Variants in PEMT observed in about 807,000 individuals in gnomAD.
The protein encoded by PEMT is phospholipid methyltransferase.
A neutral mutation model predicts 27.4 loss-of-function variants in PEMT; 23 were observed. The ratio of observed to expected loss-of-function variants is 0.84; its 90% confidence interval spans 0.60 to 1.19. The LOEUF is 1.19. Ranked by LOEUF, PEMT falls within the 50% of genes most tolerant of loss-of-function variation. The probability of loss-of-function intolerance (pLI) is 0.00; values close to 1 mark genes in which losing one functional copy is unlikely to be tolerated. For synonymous variants in PEMT, 137 were observed against 139.1 expected (o/e 0.98, Z 0.11); for missense variants, 307 against 310.1 (o/e 0.99, Z 0.07).
At chr17:17,545,999 T>G (rs866042615) in intron 2 of PEMT, among the ~76,000 whole-genome samples, 4 of 152,228 alleles carry the variant, frequency 2.6e-5, no homozygotes, top group Middle Eastern at 3.2e-3. Context: ...TTCCATCTTC[T>G]GTCCCTGGGC....
At chr17:17,579,094 GGGA>G (rs1265705539) in intron 1 of PEMT, among the ~76,000 whole-genome samples, 1 of 152,202 alleles carries the variant, frequency 6.6e-6, no homozygotes, top group Non-Finnish European at 1.5e-5. Flanking sequence ...GGAAGCGGTG[GGGA>G]GGAGATGGTG....
At chr17:17,543,243 A>T (rs1481584268) in intron 2 of PEMT, among the ~76,000 whole-genome samples, 1 of 152,210 alleles carries the variant, frequency 6.6e-6, no homozygotes, top group African/African-American at 2.4e-5. Flanking sequence ...CGTTCTTCCC[A>T]AGTGCGACCA....
At chr17:17,518,149 C>A in intron 3 of PEMT, 3 of 985,520 alleles carry the variant, frequency 3.0e-6, no homozygotes, top group Non-Finnish European at 3.6e-6. Flanking sequence ...ACAGTTCCAT[C>A]CCGTGACTGG....
At chr17:17,524,196 G>A (rs953450056) in intron 2 of PEMT, among the ~76,000 whole-genome samples, 2 of 152,180 alleles carry the variant, frequency 1.3e-5, no homozygotes, top group Non-Finnish European at 1.5e-5. Flanking sequence ...CACTGTCCAC[G>A]GTGACCAAGG....
intron 2 of PEMT, chr17:17,570,570 T>C: frequency 1.0e-6 from 1 of 985,262 alleles, no homozygotes; most frequent in Non-Finnish European, 1.2e-6. Context: ...CAAGGACCAC[T>C]CCAAGCTGCG....
chr17:17,532,701 A>C (rs760152818), intron 2 of PEMT, among the ~76,000 whole-genome samples: 5 of 152,230 alleles, frequency 3.3e-5, no homozygotes, highest in Non-Finnish European at 7.3e-5. Context: ...CAAAATATCC[A>C]AAACAATCTT....
At chr17:17,520,117 C>T (rs1907154698) in intron 3 of PEMT, among the ~76,000 whole-genome samples, 1 of 152,218 alleles carries the variant, frequency 6.6e-6, no homozygotes, top group Non-Finnish European at 1.5e-5. Context: ...ACTCCAAGCT[C>T]TGAGCGTTCA....
At chr17:17,552,180 C>T (rs146211378) in intron 2 of PEMT, among the ~76,000 whole-genome samples, 21 of 152,052 alleles carry the variant, frequency 1.4e-4, no homozygotes, top group African/African-American at 4.8e-4. Flanking sequence ...GGCATGGTAG[C>T]GCATACCTGT....
At chr17:17,588,379 C>A (rs1912429985) in intron 1 of PEMT, among the ~76,000 whole-genome samples, 1 of 152,136 alleles carries the variant, frequency 6.6e-6, no homozygotes, top group African/African-American at 2.4e-5. Flanking sequence ...GCTTTGCCTC[C>A]AGGGTCTTAC....
At chr17:17,533,496 T>TA (rs1275215168) in intron 2 of PEMT, among the ~76,000 whole-genome samples, 1 of 152,230 alleles carries the variant, frequency 6.6e-6, no homozygotes, top group Admixed American at 6.5e-5. Context: ...ATCAAATATT[T>TA]AGACTTTTAT....
In PEMT at chr17:17,512,265, G is replaced by T. The variant is rs966718392; in HGVS notation, c.466+244C>A. ...CTTCATTAGCTGGAGAGAAGCAGCA[G>T]GAGCTGCCTTCACTCCCCAGGAGGC... On this transcript the variant is annotated intron_variant, in intron 4 of 6. Transcript: ENST00000255389. This position sits in a 1 kb window ranked among gnomAD's most constrained non-coding sequence, Gnocchi z 6.3. Among the ~76,000 whole-genome samples the T allele has an allele frequency of 7.9e-5, 12 of 152,220 alleles. No homozygotes were observed. Among genetic ancestry groups the T allele is most frequent in the African/African-American group, 2.7e-4 (11 of 41,466 alleles).
chr17:17,573,842 T>C (rs1281924665), intron 2 of PEMT, among the ~76,000 whole-genome samples: 1 of 152,156 alleles, frequency 6.6e-6, no homozygotes, highest in East Asian at 1.9e-4. Context: ...AGTGCAGTAG[T>C]GTGATCACAG....
intron 2 of PEMT, among the ~76,000 whole-genome samples, chr17:17,553,415 C>T (rs761154564): frequency 1.3e-5 from 2 of 152,212 alleles, no homozygotes; most frequent in Non-Finnish European, 2.9e-5. Flanking sequence ...GAGAAGCCGA[C>T]AAGAGATGGA....
intron 2 of PEMT, among the ~76,000 whole-genome samples, chr17:17,562,141 T>G (rs140378331): frequency 2.0e-5 from 3 of 152,140 alleles, no homozygotes; most frequent in Non-Finnish European, 4.4e-5. Flanking sequence ...GTGAGAGGCA[T>G]AGGGGGCATG....
At chr17:17,577,168 A>T in intron 1 of PEMT, 141 bp from the exon 2 acceptor site, 5 of 656,730 alleles carry the variant, frequency 7.6e-6, no homozygotes. Flanking sequence ...ACTACAGTGT[A>T]GTCTCATAAA....
intron 3 of PEMT, chr17:17,518,022 G>C: frequency 1.0e-6 from 1 of 985,522 alleles, no homozygotes; most frequent in Non-Finnish European, 1.2e-6. Context: ...CCGAGGCCAG[G>C]ATGCAGCTTC....
At chr17:17,537,555 CTGTG>C (rs1359132503) in intron 2 of PEMT, among the ~76,000 whole-genome samples, 1 of 152,242 alleles carries the variant, frequency 6.6e-6, no homozygotes, top group Non-Finnish European at 1.5e-5. Context: ...GCGAGATCCC[CTGTG>C]TGTGTGCCAC....
intron 1 of PEMT, among the ~76,000 whole-genome samples, chr17:17,580,602 C>T (rs1021870861): frequency 2.6e-5 from 4 of 152,176 alleles, no homozygotes; most frequent in Non-Finnish European, 2.9e-5. Flanking sequence ...CTGGCACTTA[C>T]GAAGTGCACC....
At chr17:17,584,345 G>C (rs1912131239) in intron 1 of PEMT, among the ~76,000 whole-genome samples, 1 of 152,122 alleles carries the variant, frequency 6.6e-6, no homozygotes, top group African/African-American at 2.4e-5. Flanking sequence ...ATTTTTAGTA[G>C]AGACAGGGTT....
Sources: allele counts gnomAD v4.1 joint callset (sites outside exome capture counted in the v4.1 genomes callset), GRCh38; gene constraint gnomAD v4.1.1; non-coding constraint Gnocchi (gnomAD v3.1); transcripts MANE v1.5; gene names NCBI Gene and HGNC (gene_info 2026-07-23, HGNC 2026-07-21).